TMEM132B: variants seen among roughly 807,000 people sequenced by gnomAD.
TMEM132B encodes the protein transmembrane protein 132B.
Under a neutral mutation model 90.8 loss-of-function variants are expected in TMEM132B, and 18 were observed. The ratio of observed to expected loss-of-function variants is 0.20; its 90% CI spans 0.14 to 0.29. TMEM132B has a LOEUF of 0.29. Ranked by LOEUF, TMEM132B falls within the 10% of genes least tolerant of loss-of-function variation. TMEM132B has a pLI of 1.00. For missense variants in TMEM132B, 1,096 were observed against 1,326.8 expected, an observed-to-expected ratio of 0.83 and a Z score of 2.70; for synonymous variants, 504 against 523.3, an observed-to-expected ratio of 0.96 and a Z score of 0.50.
intron 1 of TMEM132B, among the ~76,000 whole-genome samples, chr12:125,259,677 C>T (rs112526471): frequency 2.1e-4 from 32 of 152,278 alleles, no homozygotes; most frequent in African/African-American, 6.5e-4. Flanking sequence ...TCATTACTTA[C>T]GCACAGAAAT....
chr12:125,652,701 C>T (rs527692923), intron 8 of TMEM132B, 69 bp downstream of exon 8: 31 of 1,515,836 alleles, frequency 2.0e-5, no homozygotes, highest in African/African-American at 1.2e-4. Flanking sequence ...GCACATCCTG[C>T]GAAGGAGAGC....
At chr12:125,528,138 C>T (rs906176838) in intron 4 of TMEM132B, among the ~76,000 whole-genome samples, 2 of 147,490 alleles carry the variant, frequency 1.4e-5, no homozygotes. Context: ...GTGTCTATTT[C>T]TTTTTTTTTT....
At position 125,653,596 on chromosome 12, in the gene TMEM132B, G is replaced by C; in HGVS notation, c.2138G>C (p.Ser713Thr). 6.2e-7 allele frequency: 1 copy of C among 1,611,508 alleles called. No homozygotes were observed. Among genetic ancestry groups the C allele is most frequent in the East Asian group, 2.2e-5 (1 of 44,808 alleles). Residue 713 changes from serine (S) to threonine (T), a missense_variant, in exon 9 of 9, where the codon AGT (serine) becomes ACT (threonine). Physicochemically the swap from Ser to Thr is moderately conservative, Grantham distance 58. Transcript: ENST00000682704. ...EAIVSSWILF[S>T]DGSVTPLDIY... Reference sequence around the variant, plus strand: ...ATAGTAAGTTCTTGGATTTTGTTCAGTGATGGTTCGGTGACACCTTTAGAC... The same window carrying C: ...ATAGTAAGTTCTTGGATTTTGTTCACTGATGGTTCGGTGACACCTTTAGAC...
chr12:125,454,392 T>TTTGTGTGTGTGTG (rs1566041169), intron 3 of TMEM132B, among the ~76,000 whole-genome samples: 10 of 112,078 alleles, frequency 8.9e-5, no homozygotes, highest in African/African-American at 1.1e-4. Flanking sequence ...GTGTGTGTGT[T>TTTGTGTGTGTGTG]TGTGTGTGTG....
chr12:125,553,834 T>C (rs1884301478), intron 4 of TMEM132B, among the ~76,000 whole-genome samples: 1 of 152,202 alleles, frequency 6.6e-6, no homozygotes, highest in Non-Finnish European at 1.5e-5. Context: ...CAAATGTAAT[T>C]TAATACAGTT....
Position 125,460,310 on chromosome 12 carries a change from G to A in TMEM132B, c.1106+44633G>A, listed in dbSNP as rs1481462133. 6.6e-6 allele frequency among the ~76,000 whole-genome samples: 1 copy of A among 152,058 alleles called. No homozygotes were observed. The highest frequency in any genetic ancestry group is 1.5e-5 in the Non-Finnish European group (1 of 68,032). Reference sequence around the variant, plus strand: ...GTTTGAGACCAGCCTGCCCAACATGGTGAAACCCCATCTCTACTGAAAAAT... The same window carrying A: ...GTTTGAGACCAGCCTGCCCAACATGATGAAACCCCATCTCTACTGAAAAAT... On this transcript the variant is annotated intron_variant, in intron 3 of 8. Transcript: ENST00000682704. The surrounding 1 kb of genome is among the most constrained non-coding windows in gnomAD (Gnocchi z 4.4).
intron 1 of TMEM132B, among the ~76,000 whole-genome samples, chr12:125,315,792 A>T (rs1384092297): frequency 6.6e-6 from 1 of 152,192 alleles, no homozygotes; most frequent in Admixed American, 6.5e-5. Flanking sequence ...ATCTAAAGAT[A>T]GCAGTTGCTA....
At chr12:125,422,630 A>G (rs1880201157) in intron 3 of TMEM132B, among the ~76,000 whole-genome samples, 1 of 152,196 alleles carries the variant, frequency 6.6e-6, no homozygotes, top group Non-Finnish European at 1.5e-5. Context: ...TTGAGATGAG[A>G]TCATCCTGGA....
intron 1 of TMEM132B, among the ~76,000 whole-genome samples, chr12:125,278,634 G>A (rs866554894): frequency 1.3e-5 from 2 of 152,046 alleles, no homozygotes; most frequent in Non-Finnish European, 2.9e-5. Context: ...GGGAATGAGC[G>A]AGTGGGGTGT....
chr12:125,273,874 G>A lies in TMEM132B; in HGVS notation c.68-75578G>A, dbSNP rs1874915700. On this transcript the variant is annotated intron_variant, in intron 1 of 8. Coordinates refer to ENST00000682704, the MANE Select transcript of TMEM132B (RefSeq NM_001366854.1). Reference sequence around the variant, plus strand: ...AGATGGGGTTTCACCATGTTGGTCAGTCTGGTCTTGAACTTCTGACCTCAG... The same window carrying A: ...AGATGGGGTTTCACCATGTTGGTCAATCTGGTCTTGAACTTCTGACCTCAG... Among the ~76,000 whole-genome samples, 3 of 152,164 alleles carry A rather than the reference G, an allele frequency of 2.0e-5. No homozygotes were observed. The South Asian group carries it at 6.2e-4, about 32-fold the overall frequency.
intron 1 of TMEM132B, among the ~76,000 whole-genome samples, chr12:125,336,513 G>C (rs753260701): frequency 1.3e-5 from 2 of 152,144 alleles, no homozygotes; most frequent in Non-Finnish European, 2.9e-5. Flanking sequence ...AGACTTACAT[G>C]GTTTGCATTC....
rs749123504 is a variant in TMEM132B at position 125,583,976 on chromosome 12, C to A, written c.1419C>A (p.Ala473=). ...DVSESVECKS[A]DEDVIKVSNN... ...CTGAGTCTGTGGAATGCAAGTCTGC[C>A]GATGAAGATGTCATTAAGGTAAGGG... is the stretch of plus-strand genomic sequence containing the variant. Residue 473 remains alanine (A), a synonymous_variant, in exon 5 of 9, where the codon GCC becomes GCA. Transcript: ENST00000682704. The A allele has an allele frequency of 1.9e-6, 3 of 1,614,002 alleles. No individual in the cohort carries two copies. Among genetic ancestry groups the A allele is most frequent in the Admixed American group, 1.7e-5 (1 of 59,998 alleles).
intron 3 of TMEM132B, among the ~76,000 whole-genome samples, chr12:125,502,097 A>T (rs1882715970): frequency 2.0e-5 from 3 of 152,142 alleles, no homozygotes; most frequent in Admixed American, 6.5e-5. Context: ...AACTTACTAC[A>T]CTTTGGGATC....
At chr12:125,344,888 G>A (rs1267248867) in intron 1 of TMEM132B, among the ~76,000 whole-genome samples, 1 of 152,186 alleles carries the variant, frequency 6.6e-6, no homozygotes, top group African/African-American at 2.4e-5. Flanking sequence ...AACTCTGGGT[G>A]GAAGACAGCA....
chr12:125,502,228 C>A (rs1882719155), intron 3 of TMEM132B, among the ~76,000 whole-genome samples: 1 of 152,216 alleles, frequency 6.6e-6, no homozygotes, highest in South Asian at 2.1e-4. Context: ...TAAATGATCT[C>A]TCTCCCCATC....
chr12:125,323,774 C>G (rs1047592597), intron 1 of TMEM132B, among the ~76,000 whole-genome samples: 3 of 152,168 alleles, frequency 2.0e-5, no homozygotes, highest in Admixed American at 2.0e-4. Context: ...CTGCCTTGGC[C>G]TTCCAAAGTG....
chr12:125,190,903 T>G (rs1471091522), intron 1 of TMEM132B, among the ~76,000 whole-genome samples: 1 of 23,358 alleles, frequency 4.3e-5, no homozygotes, highest in Admixed American at 5.2e-4. Context: ...GAAGGGGTGG[T>G]GGTGGTGATG....
chr12:125,352,242 G>T (rs1877611131), intron 2 of TMEM132B, among the ~76,000 whole-genome samples: 1 of 152,214 alleles, frequency 6.6e-6, no homozygotes. Context: ...CCTTGTAAAT[G>T]AATTCCAACT....
chr12:125,619,212 A>G (rs1472073295), intron 5 of TMEM132B, among the ~76,000 whole-genome samples: 1 of 152,306 alleles, frequency 6.6e-6, no homozygotes, highest in South Asian at 2.1e-4. Context: ...TCTGTACACA[A>G]AAATCCAGGC....
Sources: gnomAD v4.1 joint callset for allele counts (sites outside exome capture counted in the v4.1 genomes callset) on GRCh38, gnomAD v4.1.1 for gene constraint, Gnocchi (gnomAD v3.1) non-coding constraint, MANE v1.5 for transcripts, NCBI Gene and HGNC (gene_info 2026-07-23, HGNC 2026-07-21) for gene names.